HCFC2: variants seen among roughly 807,000 people sequenced by gnomAD.
The protein encoded by HCFC2 is host cell factor C2.
Under a neutral mutation model 89.2 loss-of-function variants are expected in HCFC2, and 18 were observed. The observed-to-expected ratio is 0.20, with a 90% CI of 0.14 to 0.30. HCFC2 has a LOEUF of 0.30. Ranked by LOEUF, HCFC2 falls within the 10% of genes least tolerant of loss-of-function variation. The pLI, the probability that HCFC2 is intolerant of heterozygous loss-of-function variation, is 1.00. For missense variants in HCFC2, 578 were observed against 956.1 expected, an observed-to-expected ratio of 0.60 and a Z score of 5.21; for synonymous variants, 308 against 335.7, an observed-to-expected ratio of 0.92 and a Z score of 0.90.
intron 9 of HCFC2, among the ~76,000 whole-genome samples, chr12:104,088,782 CATATT>C (rs1372451641): frequency 6.6e-6 from 1 of 152,022 alleles, no homozygotes; most frequent in Non-Finnish European, 1.5e-5. Flanking sequence ...AGTAGCCTGT[CATATT>C]AGACATAATA....
rs779734021 is a variant in HCFC2 at position 104,080,822 on chromosome 12, A to C, written c.759A>C (p.Ile253=). The C allele has an allele frequency of 1.2e-6, 2 of 1,600,872 alleles. No individual in the cohort carries two copies. The highest frequency in any genetic ancestry group is 1.7e-6 in the Non-Finnish European group (2 of 1,173,280). ...LPRSLHTASV[I]GNKMYIFGGW... ...GAAGCCTTCATACAGCCAGTGTTATAGGAAACAAGTATGGTGGTTTTTTGT... is the reference window on the plus strand; with the variant it reads ...GAAGCCTTCATACAGCCAGTGTTATCGGAAACAAGTATGGTGGTTTTTTGT... Residue 253 remains isoleucine (I), a synonymous_variant, in exon 5 of 15, where the codon ATA becomes ATC. Transcript: ENST00000229330.
chr12:104,069,591 C>A (rs1055156248), intron 3 of HCFC2, among the ~76,000 whole-genome samples: 1 of 149,170 alleles, frequency 6.7e-6, no homozygotes, highest in Non-Finnish European at 1.5e-5. Context: ...TGTCTTATTT[C>A]GCTTACCATA....
chr12:104,082,488 G>T lies in HCFC2; in HGVS notation c.768-12G>T, dbSNP rs1289660120. On this transcript the variant is annotated splice_polypyrimidine_tract_variant and intron_variant, in intron 5 of 14. Coordinates refer to ENST00000229330, the MANE Select transcript of HCFC2 (RefSeq NM_013320.3). ...ATAAGCTACTTTATGTTTTTGTTTT[G>T]TTGTTGCTCAGGATGTACATTTTTG... The T allele has an allele frequency of 7.9e-6, 12 of 1,520,982 alleles. No homozygotes were observed. The highest frequency in any genetic ancestry group is 1.0e-5 in the Non-Finnish European group (11 of 1,097,392). The allele number at this position is 1,520,982 out of a possible 1,614,324, so 94.2% of individuals were successfully genotyped here. A position where few individuals can be genotyped will look rare whatever the true frequency, so the allele number is the denominator to read the frequency against.
chr12:104,103,426 T>C lies in HCFC2; in HGVS notation c.*153T>C. ...TTCTTAAAATGTATTTGCTGAATTA[T>C]AGATCCAAATAAAAGAAAAGAAGCA... is the stretch of plus-strand genomic sequence containing the variant. On this transcript the variant is annotated 3_prime_UTR_variant, in exon 15 of 15. Coordinates refer to ENST00000229330, the MANE Select transcript of HCFC2 (RefSeq NM_013320.3). The C allele has an allele frequency of 1.6e-6, 1 of 630,768 alleles. No homozygotes were observed. The highest frequency in any genetic ancestry group is 2.7e-6 in the Non-Finnish European group (1 of 377,010). 39.1% of individuals were successfully genotyped at this position (630,768 alleles called of 1,614,324 possible). A position where few individuals can be genotyped will look rare whatever the true frequency, so the allele number is the denominator to read the frequency against.
chr12:104,102,281 T>G, intron 14 of HCFC2, 128 bp downstream of exon 14: 2 of 804,994 alleles, frequency 2.5e-6, no homozygotes. Context: ...AGGATGGATT[T>G]AAAGTTTAAA....
chr12:104,096,195 C>T (rs1362213138), intron 11 of HCFC2, among the ~76,000 whole-genome samples, 165 bp from the exon 12 acceptor site: 8 of 151,828 alleles, frequency 5.3e-5, no homozygotes. Context: ...AGTACAATAC[C>T]CTCTGGCTGT....
chr12:104,094,993 T>C (rs774062004), intron 10 of HCFC2, among the ~76,000 whole-genome samples: 1 of 152,114 alleles, frequency 6.6e-6, no homozygotes, highest in Non-Finnish European at 1.5e-5. Flanking sequence ...CAATTATTAG[T>C]ACAATTCTAG....
intron 9 of HCFC2, among the ~76,000 whole-genome samples, chr12:104,089,867 T>C (rs1048987933): frequency 1.3e-5 from 2 of 152,170 alleles, no homozygotes. Context: ...CATACTCAAA[T>C]TTTCTAAAAA....
intron 14 of HCFC2, 54 bp from the exon 15 acceptor site, chr12:104,102,905 G>T: frequency 7.1e-7 from 1 of 1,403,810 alleles, no homozygotes. Context: ...CATAATAAGT[G>T]ATAACAGAGG....
At chr12:104,087,919 A>C in intron 8 of HCFC2, 67 bp from the exon 9 acceptor site, 1 of 859,354 alleles carries the variant, frequency 1.2e-6, no homozygotes, top group Non-Finnish European at 1.7e-6. Flanking sequence ...AACTTTAAAA[A>C]TATTTAATTA....
chr12:104,080,114 GCCT>G (rs1355317202), intron 4 of HCFC2, among the ~76,000 whole-genome samples: 1 of 152,148 alleles, frequency 6.6e-6, no homozygotes, highest in Non-Finnish European at 1.5e-5. Flanking sequence ...AGGGTAGTGT[GCCT>G]CTCACCTTTG....
chr12:104,083,990 T>A (rs1458329180), intron 7 of HCFC2, among the ~76,000 whole-genome samples: 1 of 152,164 alleles, frequency 6.6e-6, no homozygotes, highest in Non-Finnish European at 1.5e-5. Flanking sequence ...ATTGCTCCAC[T>A]GCACTCCAGC....
intron 3 of HCFC2, among the ~76,000 whole-genome samples, chr12:104,075,866 G>T (rs1883478405): frequency 6.6e-6 from 1 of 151,878 alleles, no homozygotes; most frequent in South Asian, 2.1e-4. Flanking sequence ...TATATCTTTG[G>T]CCGTATGCCG....
At chr12:104,098,671 A>G (rs963596380) in intron 13 of HCFC2, among the ~76,000 whole-genome samples, 191 bp downstream of exon 13, 5 of 152,216 alleles carry the variant, frequency 3.3e-5, no homozygotes, top group African/African-American at 1.2e-4. Flanking sequence ...TCTGTATACC[A>G]AATGTATTAG....
intron 9 of HCFC2, among the ~76,000 whole-genome samples, chr12:104,092,455 G>A (rs1161531941): frequency 2.0e-5 from 3 of 151,108 alleles, no homozygotes; most frequent in Middle Eastern, 3.5e-3. Context: ...GCAAGATCCT[G>A]TCTCAAAAAA....
intron 3 of HCFC2, among the ~76,000 whole-genome samples, chr12:104,076,953 CATATGT>C (rs1263720914): frequency 1.3e-5 from 2 of 152,098 alleles, no homozygotes; most frequent in South Asian, 2.1e-4. Context: ...AAAACATTTG[CATATGT>C]ATATGTATAT....
intron 8 of HCFC2, 61 bp from the exon 9 acceptor site, chr12:104,087,925 A>T: frequency 1.1e-6 from 1 of 883,334 alleles, no homozygotes; most frequent in Non-Finnish European, 1.7e-6. Flanking sequence ...AAAAATATTT[A>T]ATTATATTTT....
chr12:104,096,368 A>ACAG lies in HCFC2; in HGVS notation c.1677_1678insGCA (p.Thr559_Tyr560insAla). On this transcript the variant is annotated inframe_insertion, in exon 12 of 15. Coordinates refer to ENST00000229330, the MANE Select transcript of HCFC2 (RefSeq NM_013320.3). Reference sequence around the variant, plus strand: ...AATTGTTTAATTTTTAGTTGATGAAACATATGCACTGCCTGCAACGAAGAT... The same window carrying ACAG: ...AATTGTTTAATTTTTAGTTGATGAAACAGCATATGCACTGCCTGCAACGAAGAT... 6.3e-7 allele frequency: 1 copy of ACAG among 1,590,712 alleles called. No homozygotes were observed. The highest frequency in any genetic ancestry group is 8.6e-7 in the Non-Finnish European group (1 of 1,165,388).
rs76126293 is a variant in HCFC2, at chr12:104,098,169, C to G, written c.1741-174C>G. The stretch of plus-strand genomic sequence containing the variant: ...CACTCCTGTGTTTGAATTGGCATCC[C>G]TGTTTCACTGTCAGTTGACCTAATC... On this transcript the variant is annotated intron_variant, in intron 12 of 14. Transcript: ENST00000229330. 2.9e-3 allele frequency: 1,401 copies of G among 483,262 alleles called. 34 individuals carry two copies. The East Asian group carries it at 0.044, about 15-fold the overall frequency. 29.9% of individuals were successfully genotyped at this position (483,262 alleles called of 1,614,324 possible). A position where few individuals can be genotyped will look rare whatever the true frequency, so the allele number is the denominator to read the frequency against.
Sources: allele counts gnomAD v4.1 joint callset (sites outside exome capture counted in the v4.1 genomes callset), GRCh38; gene constraint gnomAD v4.1.1; transcripts MANE v1.5; gene names NCBI Gene and HGNC (gene_info 2026-07-23, HGNC 2026-07-21).